TPCN2: variants seen among roughly 807,000 people sequenced by gnomAD.
TPCN2 encodes two pore segment channel 2.
Under a neutral mutation model 111.4 loss-of-function variants are expected in TPCN2, and 92 were observed. The ratio of observed to expected loss-of-function variants is 0.83; its 90% CI spans 0.70 to 0.98. The LOEUF is 0.98. Ranked by LOEUF, TPCN2 falls within the 50% of genes least tolerant of loss-of-function variation. The probability of loss-of-function intolerance (pLI) is 0.00; values close to 1 mark genes in which losing one functional copy is unlikely to be tolerated. For missense variants in TPCN2, 995 were observed against 980.1 expected (o/e 1.02, Z -0.20); for synonymous variants, 405 against 414.5 (o/e 0.98, Z 0.28).
At position 69,063,414 on chromosome 11, in the gene TPCN2, G is replaced by T. The variant is rs182062049; in HGVS notation, c.653+424G>T. On this transcript the variant is annotated intron_variant, in intron 6 of 24. Transcript: ENST00000294309. ...ACGACACCCCTGCTTGGAAGCCCTCGTGGCTCTTGTTGCCACTAGAAGCGT... is the reference window on the plus strand; with the variant it reads ...ACGACACCCCTGCTTGGAAGCCCTCTTGGCTCTTGTTGCCACTAGAAGCGT... Among the ~76,000 whole-genome samples, 196 of 152,054 alleles carry T rather than the reference G, an allele frequency of 1.3e-3. 1 individual carries two copies. The highest frequency in any genetic ancestry group is 4.5e-3 in the African/African-American group (188 of 41,502).
chr11:69,083,997 C>T lies in TPCN2; in HGVS notation c.1742C>T (p.Ala581Val), dbSNP rs1263924635. ...TVLGLVQNMR[A>V]FGGILVVVYY... Reference sequence around the variant, plus strand: ...CTGGGCCTGGTGCAGAACATGCGTGCGTTTGGCGGGATCCTGGTGGTGAGT... The same window carrying T: ...CTGGGCCTGGTGCAGAACATGCGTGTGTTTGGCGGGATCCTGGTGGTGAGT... Residue 581 changes from alanine (A) to valine (V), a missense_variant, in exon 19 of 25, where the codon GCG (alanine) becomes GTG (valine). Coordinates refer to ENST00000294309, the MANE Select transcript of TPCN2 (RefSeq NM_139075.4). The T allele has an allele frequency of 2.5e-6, 4 of 1,614,130 alleles. No individual in the cohort carries two copies. Among genetic ancestry groups the T allele is most frequent in the South Asian group, 1.1e-5 (1 of 91,084 alleles).
At chr11:69,057,303 G>A (rs1854816267) in intron 4 of TPCN2, among the ~76,000 whole-genome samples, 1 of 152,252 alleles carries the variant, frequency 6.6e-6, no homozygotes, top group Admixed American at 6.5e-5. Context: ...CAAGGTGGTT[G>A]TTAGATAGGC....
Position 69,088,024 on chromosome 11 carries a change from G to C in TPCN2, c.*71G>C. 2 of 1,389,374 alleles carry C rather than the reference G, an allele frequency of 1.4e-6. No homozygotes were observed. Among genetic ancestry groups the C allele is most frequent in the Non-Finnish European group, 2.0e-6 (2 of 1,016,018 alleles). The allele number at this position is 1,389,374 out of a possible 1,614,324, so 86.1% of individuals were successfully genotyped here. On this transcript the variant is annotated 3_prime_UTR_variant, in exon 25 of 25. Coordinates refer to ENST00000294309, the MANE Select transcript of TPCN2 (RefSeq NM_139075.4). ...GCCTACACAGGTGCCCGTCATGGAAGAGGCGGCCATGCTGTGGCCAGCCAG... is the reference window on the plus strand; with the variant it reads ...GCCTACACAGGTGCCCGTCATGGAACAGGCGGCCATGCTGTGGCCAGCCAG...
At chr11:69,059,540 G>C (rs1590711798) in intron 5 of TPCN2, among the ~76,000 whole-genome samples, 1 of 152,244 alleles carries the variant, frequency 6.6e-6, no homozygotes, top group Admixed American at 6.5e-5. Flanking sequence ...TTCAGAGCCT[G>C]TGCTGTGCCC....
chr11:69,087,671 C>T (rs1469242548), intron 24 of TPCN2, among the ~76,000 whole-genome samples: 7 of 152,106 alleles, frequency 4.6e-5, no homozygotes, highest in African/African-American at 7.2e-5. Context: ...AGTGGGAAGA[C>T]GTGGCCCCTG....
intron 22 of TPCN2, among the ~76,000 whole-genome samples, 185 bp from the exon 23 acceptor site, chr11:69,086,338 G>A (rs1856272983): frequency 1.3e-5 from 2 of 152,216 alleles, no homozygotes; most frequent in Non-Finnish European, 2.9e-5. Flanking sequence ...TACCTCGGCA[G>A]CTTGTTGCAC....
At chr11:69,054,130 G>A (rs778189646) in intron 2 of TPCN2, 33 bp downstream of exon 2, 4 of 1,588,664 alleles carry the variant, frequency 2.5e-6, no homozygotes, top group African/African-American at 2.7e-5. Flanking sequence ...GGCCGGGCCT[G>A]GGGGGTGGCC....
intron 18 of TPCN2, 70 bp from the exon 19 acceptor site, chr11:69,083,875 G>T: frequency 6.9e-7 from 1 of 1,457,808 alleles, no homozygotes; most frequent in Non-Finnish European, 9.6e-7. Flanking sequence ...GGGTCAGCGT[G>T]GTGGGCCGGG....
At chr11:69,086,708 G>T in intron 23 of TPCN2, 104 bp downstream of exon 23, 1 of 1,126,330 alleles carries the variant, frequency 8.9e-7, no homozygotes, top group Admixed American at 1.8e-5. Context: ...ACTTTGATGG[G>T]AGAGTCGTGC....
At chr11:69,070,969 C>T (rs1247232997) in intron 9 of TPCN2, among the ~76,000 whole-genome samples, 1 of 149,150 alleles carries the variant, frequency 6.7e-6, no homozygotes, top group African/African-American at 2.5e-5. Context: ...AGGGATCCCC[C>T]GCCAACAGGT....
chr11:69,084,321 C>T lies in TPCN2; in HGVS notation c.1761+305C>T, dbSNP rs112504884. Among the ~76,000 whole-genome samples the T allele has an allele frequency of 1.1e-4, 16 of 152,282 alleles. 1 individual carries two copies. Among genetic ancestry groups the T allele is most frequent in the African/African-American group, 3.6e-4 (15 of 41,552 alleles). On this transcript the variant is annotated intron_variant, in intron 19 of 24. Coordinates refer to ENST00000294309, the MANE Select transcript of TPCN2 (RefSeq NM_139075.4). ...CTCGTGTTTTCTGGGTTGTGGATCT[C>T]GTTGAGAAAGTAATGACAGAAATTT...
At chr11:69,053,647 T>G (rs1353314217) in intron 1 of TPCN2, among the ~76,000 whole-genome samples, 7 of 152,066 alleles carry the variant, frequency 4.6e-5, no homozygotes, top group African/African-American at 1.7e-4. Context: ...GGGGAGCCGA[T>G]TGGGTGGCTG....
chr11:69,060,021 C>T (rs1459678976), intron 5 of TPCN2, among the ~76,000 whole-genome samples: 1 of 152,256 alleles, frequency 6.6e-6, no homozygotes, highest in African/African-American at 2.4e-5. Context: ...AGAGAGCCTC[C>T]TCTCCACGAT....
intron 5 of TPCN2, among the ~76,000 whole-genome samples, chr11:69,062,349 G>T (rs72919430): frequency 0.13 from 20,335 of 152,056 alleles, 1,909 homozygotes; most frequent in South Asian, 0.21. Flanking sequence ...AGTGTTGAGC[G>T]TGGGAGCAGT....
intron 4 of TPCN2, among the ~76,000 whole-genome samples, chr11:69,055,704 C>T (rs1170418353): frequency 6.6e-6 from 1 of 152,012 alleles, no homozygotes; most frequent in East Asian, 1.9e-4. Flanking sequence ...AAACTGAGCC[C>T]AGTGTGCCGT....
chr11:69,072,786 AG>A (rs1369860136), intron 12 of TPCN2, 78 bp downstream of exon 12: 1 of 1,575,252 alleles, frequency 6.3e-7, no homozygotes, highest in African/African-American at 1.3e-5. Flanking sequence ...TTTCAGGACT[AG>A]GGGTGTGGCT....
At position 69,081,553 on chromosome 11, in the gene TPCN2, G is replaced by A. The variant is rs1395102093; in HGVS notation, c.1689+54G>A. On this transcript the variant is annotated intron_variant, in intron 18 of 24. Transcript: ENST00000294309. ...CCACCCTCCTGGGTCATGCTGCTGC[G>A]TTGCTCCAGGGTGGGTGAGCCTGGG... is the stretch of plus-strand genomic sequence containing the variant. The A allele has an allele frequency of 5.1e-6, 7 of 1,376,896 alleles. No individual in the cohort carries two copies. In the Admixed American group the frequency reaches 6.1e-5, roughly 12 times the overall value. The allele number at this position is 1,376,896 out of a possible 1,614,324, so 85.3% of individuals were successfully genotyped here.
intron 6 of TPCN2, 112 bp from the exon 7 acceptor site, chr11:69,063,783 A>G (rs1304608972): frequency 1.0e-6 from 1 of 986,530 alleles, no homozygotes; most frequent in Non-Finnish European, 1.5e-6. Context: ...GCCTGGATCC[A>G]CCCCAGCTGC....
intron 11 of TPCN2, among the ~76,000 whole-genome samples, chr11:69,072,397 T>C (rs757240279): frequency 2.6e-5 from 4 of 151,912 alleles, no homozygotes; most frequent in Non-Finnish European, 4.4e-5. Flanking sequence ...TGAGGGACAT[T>C]GCAGTGGAAA....
Sources: allele counts gnomAD v4.1 joint callset (sites outside exome capture counted in the v4.1 genomes callset), GRCh38; gene constraint gnomAD v4.1.1; transcripts MANE v1.5; gene names NCBI Gene and HGNC (gene_info 2026-07-23, HGNC 2026-07-21).